STAG1: variants seen among roughly 807,000 people sequenced by gnomAD.
STAG1 encodes STAG1 cohesin complex component.
Under a neutral mutation model 170.9 loss-of-function variants are expected in STAG1, and 26 were observed. That is an observed-to-expected ratio of 0.15 (90% CI 0.11 to 0.21). The LOEUF (loss-of-function observed/expected upper bound fraction) is 0.21, where lower values mean the gene tolerates loss of function less well. STAG1 is among the 10% of genes least tolerant of loss of function. The pLI is 1.00. For synonymous variants in STAG1, 514 were observed against 497.7 expected (o/e 1.03, Z -0.44); for missense variants, 964 against 1,509.5 (o/e 0.64, Z 5.99).
intron 1 of STAG1, among the ~76,000 whole-genome samples, chr3:136,700,876 C>CTTTTTTTTTT (rs35459362): frequency 6.1e-3 from 475 of 78,240 alleles, no homozygotes; most frequent in Middle Eastern, 0.013. Context: ...TATTTTTTTT[C>CTTTTTTTTTT]TTTTTTTTTT....
chr3:136,628,249 G>C (rs1342365153), intron 2 of STAG1, among the ~76,000 whole-genome samples: 1 of 151,920 alleles, frequency 6.6e-6, no homozygotes, highest in Non-Finnish European at 1.5e-5. Flanking sequence ...CCTTCCTGAG[G>C]CCTCGCCAGC....
intron 1 of STAG1, among the ~76,000 whole-genome samples, chr3:136,671,770 T>C (rs995343443): frequency 1.3e-5 from 2 of 152,040 alleles, no homozygotes; most frequent in Non-Finnish European, 2.9e-5. Context: ...TAGTTCGTGT[T>C]ATTTTGCAGG....
At chr3:136,545,683 T>C (rs1576591518) in intron 5 of STAG1, among the ~76,000 whole-genome samples, 2 of 152,000 alleles carry the variant, frequency 1.3e-5, no homozygotes, top group Non-Finnish European at 2.9e-5. Flanking sequence ...TTGGGATGCA[T>C]GGGATCTGTC....
At chr3:136,599,253 G>A (rs557967251) in intron 4 of STAG1, among the ~76,000 whole-genome samples, 3 of 152,268 alleles carry the variant, frequency 2.0e-5, no homozygotes, top group African/African-American at 7.2e-5. Flanking sequence ...GATTGGGCTA[G>A]GTGTGCTGGC....
chr3:136,375,464 T>C (rs183013509), intron 23 of STAG1, among the ~76,000 whole-genome samples: 1 of 152,192 alleles, frequency 6.6e-6, no homozygotes, highest in African/African-American at 2.4e-5. Context: ...TAGTTTGGGA[T>C]AACTGTATAT....
In STAG1 at chr3:136,356,929, A is replaced by T. The variant is rs544821147; in HGVS notation, c.3065+791T>A. On this transcript the variant is annotated intron_variant, in intron 28 of 33. Coordinates refer to ENST00000383202, the MANE Select transcript of STAG1 (RefSeq NM_005862.3). The stretch of plus-strand genomic sequence containing the variant: ...CACCATGCCTAGCTAATTTTTTTTT[A>T]TTTTTTTTAAATTTTTTATTTTATT... Among the ~76,000 whole-genome samples, 394 of 145,370 alleles carry T rather than the reference A, an allele frequency of 2.7e-3. 1 individual carries two copies. The highest frequency in any genetic ancestry group is 7.1e-3 in the South Asian group (32 of 4,538).
intron 12 of STAG1, among the ~76,000 whole-genome samples, chr3:136,467,526 A>C (rs186932398): frequency 6.6e-6 from 1 of 152,332 alleles, no homozygotes; most frequent in East Asian, 1.9e-4. Flanking sequence ...TAAAAGACCT[A>C]TAAAGAGAGT....
intron 1 of STAG1, among the ~76,000 whole-genome samples, chr3:136,723,776 A>G (rs1166095833): frequency 4.3e-4 from 33 of 76,968 alleles, no homozygotes; most frequent in Admixed American, 6.8e-4. Context: ...CCGTCCGGGA[A>G]GGAGGTGGGG....
intron 1 of STAG1, among the ~76,000 whole-genome samples, chr3:136,729,557 A>G (rs1193527663): frequency 2.1e-5 from 3 of 146,054 alleles, no homozygotes; most frequent in Non-Finnish European, 4.5e-5. Context: ...TATCTACAAC[A>G]TCTGTAGTTT....
chr3:136,581,968 T>TA (rs1576630966), intron 4 of STAG1, among the ~76,000 whole-genome samples: 1 of 152,316 alleles, frequency 6.6e-6, no homozygotes, highest in Admixed American at 6.5e-5. Flanking sequence ...CTCTTCCTTT[T>TA]AAAGTTTTCT....
At chr3:136,627,629 A>T (rs1376609832) in intron 2 of STAG1, among the ~76,000 whole-genome samples, 1 of 152,166 alleles carries the variant, frequency 6.6e-6, no homozygotes, top group Non-Finnish European at 1.5e-5. Flanking sequence ...CTTACTACAT[A>T]ATCAAGTTTC....
At chr3:136,549,661 T>G (rs866061988) in intron 5 of STAG1, among the ~76,000 whole-genome samples, 2,591 of 150,246 alleles carry the variant, frequency 0.017, 80 homozygotes, top group African/African-American at 0.06. Flanking sequence ...TTCTTCCGTT[T>G]TTTTTTTTTT....
At chr3:136,472,545 G>T (rs2089652427) in intron 11 of STAG1, 53 bp from the exon 12 acceptor site, 4 of 1,266,610 alleles carry the variant, frequency 3.2e-6, no homozygotes, top group Non-Finnish European at 3.5e-6. Flanking sequence ...AATAAGCTGG[G>T]ACAGATCTAA....
intron 5 of STAG1, among the ~76,000 whole-genome samples, chr3:136,564,310 G>A (rs1936970969): frequency 1.3e-5 from 2 of 152,118 alleles, no homozygotes; most frequent in Non-Finnish European, 2.9e-5. Flanking sequence ...AGATATTCCT[G>A]GATACCTTTA....
chr3:136,502,677 C>T lies in STAG1; in HGVS notation c.779G>A (p.Gly260Glu). 1 of 1,613,908 alleles carries T rather than the reference C, an allele frequency of 6.2e-7. No individual in the cohort carries two copies. The highest frequency in any genetic ancestry group is 8.5e-7 in the Non-Finnish European group (1 of 1,179,942). Residue 260 changes from glycine to glutamate, a missense_variant, in exon 8 of 34, where the codon GGG becomes GAG. This residue lies in a region of STAG1 where 57 missense variants were observed against 157.6 expected (regional missense o/e 0.36). Coordinates refer to ENST00000383202, the MANE Select transcript of STAG1 (RefSeq NM_005862.3). ...CTCCAACCTTTCATTGGCTCTCTTC[C>T]CAATCATTTTATTTCTCTCGGCTTC... Reference protein sequence around the residue: ...QYEAERNKMIGKRANERLELL... With the variant: ...QYEAERNKMIEKRANERLELL...
rs1408866511 is a variant in STAG1, at chr3:136,529,363, CAGAG to C, written c.472-7950_472-7947del. On this transcript the variant is annotated intron_variant, in intron 6 of 33. Coordinates refer to ENST00000383202, the MANE Select transcript of STAG1 (RefSeq NM_005862.3). ...AGTCAAACTGTTTTAACGTCAAAGA[CAGAG>C]AGAATTCTGAAAACAGCAAAAGTGT... Among the ~76,000 whole-genome samples, 7 of 152,210 alleles carry C rather than the reference CAGAG, an allele frequency of 4.6e-5. No individual in the cohort carries two copies. In the South Asian group the frequency reaches 1.0e-3, roughly 23 times the overall value.
chr3:136,538,190 A>G (rs1412746493), intron 6 of STAG1, among the ~76,000 whole-genome samples: 2 of 152,182 alleles, frequency 1.3e-5, no homozygotes, highest in African/African-American at 4.8e-5. Context: ...TTACTTTTAC[A>G]CAAATAATGA....
At chr3:136,482,015 T>C (rs902634029) in intron 9 of STAG1, among the ~76,000 whole-genome samples, 1,002 of 48,058 alleles carry the variant, frequency 0.021, 385 homozygotes, top group Non-Finnish European at 0.036. Context: ...TTGTTGATCC[T>C]TTCAAAAAAC....
chr3:136,504,435 T>G (rs1196896770), intron 7 of STAG1, among the ~76,000 whole-genome samples: 1 of 152,218 alleles, frequency 6.6e-6, no homozygotes, highest in Non-Finnish European at 1.5e-5. Context: ...AACTGAGAAA[T>G]ATTCTTGTGT....
Sources: allele counts gnomAD v4.1 joint callset (sites outside exome capture counted in the v4.1 genomes callset), GRCh38; gene constraint gnomAD v4.1.1; regional missense constraint gnomAD v4.1.1; transcripts MANE v1.5; gene names NCBI Gene and HGNC (gene_info 2026-07-23, HGNC 2026-07-21).